Variants in MPDZ observed in about 807,000 individuals in gnomAD.
MPDZ encodes the protein multiple PDZ domain crumbs cell polarity complex component, also known as multiple PDZ domain protein.
In MPDZ, 234 loss-of-function variants were observed where a neutral mutation model predicts 239.1. The observed-to-expected ratio is 0.98, with a 90% CI of 0.88 to 1.09. MPDZ has a LOEUF of 1.09. MPDZ is among the 50% of genes least tolerant of loss of function. The probability of loss-of-function intolerance (pLI) is 0.00; values close to 1 mark genes in which losing one functional copy is unlikely to be tolerated. For synonymous variants in MPDZ, 1,048 were observed against 881.3 expected (o/e 1.19, Z -3.35); for missense variants, 3,175 against 2,510.0 (o/e 1.26, Z -5.66).
At position 13,109,048 on chromosome 9, in the gene MPDZ, C is replaced by T. The variant is rs1369703126; in HGVS notation, c.5954G>A (p.Cys1985Tyr). The T allele has an allele frequency of 2.0e-6, 3 of 1,502,900 alleles. No homozygotes were observed. Among genetic ancestry groups the T allele is most frequent in the South Asian group, 1.4e-5 (1 of 70,834 alleles). The allele number at this position is 1,502,900 out of a possible 1,614,324, so 93.1% of individuals were successfully genotyped here. A position where few individuals can be genotyped will look rare whatever the true frequency, so the allele number is the denominator to read the frequency against. The change falls in exon 46 of 47, where the codon TGT (cysteine) becomes TAT (tyrosine). Residue 1985 changes from cysteine to tyrosine, a missense_variant. By Grantham distance (194) the Cys-to-Tyr change is radical. Transcript: ENST00000319217. ...TCCTCGCTCTAGTGTAATAGACTTA[C>T]ATTGAGGAGGTCTACGGTGAAGGAA... ...IFQDDLGPPQCKSITLERGPD... is the reference protein window; with the variant it reads ...IFQDDLGPPQYKSITLERGPD...
chr9:13,248,954 C>T (rs968569765), intron 2 of MPDZ, among the ~76,000 whole-genome samples: 4 of 101,164 alleles, frequency 4.0e-5, no homozygotes, highest in Admixed American at 3.2e-4. Flanking sequence ...GCCTGGGCGA[C>T]AGAGTGAGTG....
Position 13,196,425 on chromosome 9 carries a change from C to T in MPDZ, c.1547-195G>A, listed in dbSNP as rs367782124. Among the ~76,000 whole-genome samples the T allele has an allele frequency of 1.1e-3, 174 of 152,248 alleles. 1 individual carries two copies. Among genetic ancestry groups the T allele is most frequent in the African/African-American group, 4.2e-3 (173 of 41,558 alleles). Reference sequence around the variant, plus strand: ...CCTATAATTTGTATGTTTGACACTACTCACTTTTAACAGATGTATTTTAAA... The same window carrying T: ...CCTATAATTTGTATGTTTGACACTATTCACTTTTAACAGATGTATTTTAAA... On this transcript the variant is annotated intron_variant, in intron 12 of 46. Transcript: ENST00000319217.
intron 3 of MPDZ, among the ~76,000 whole-genome samples, chr9:13,227,870 T>A (rs895382966): frequency 4.6e-5 from 7 of 152,138 alleles, no homozygotes; most frequent in Admixed American, 2.0e-4. Flanking sequence ...TATTTAATTA[T>A]ACCACCATAC....
intron 1 of MPDZ, among the ~76,000 whole-genome samples, chr9:13,267,818 G>A (rs144665197): frequency 5.3e-5 from 8 of 152,142 alleles, no homozygotes; most frequent in African/African-American, 1.7e-4. Flanking sequence ...GCATTCACCA[G>A]GCTAACAGAA....
At chr9:13,261,445 C>G (rs977160176) in intron 1 of MPDZ, among the ~76,000 whole-genome samples, 1 of 151,818 alleles carries the variant, frequency 6.6e-6, no homozygotes, top group Non-Finnish European at 1.5e-5. Flanking sequence ...GGTACCATAT[C>G]ATTACATCCA....
chr9:13,207,379 C>A (rs1164642106), intron 10 of MPDZ, among the ~76,000 whole-genome samples: 1 of 152,102 alleles, frequency 6.6e-6, no homozygotes, highest in Non-Finnish European at 1.5e-5. Flanking sequence ...CCAGCCCCAA[C>A]CTCATCTCTC....
At chr9:13,172,950 T>A (rs1951983105) in intron 21 of MPDZ, among the ~76,000 whole-genome samples, 1 of 152,224 alleles carries the variant, frequency 6.6e-6, no homozygotes, top group Non-Finnish European at 1.5e-5. Context: ...GGAATATTAT[T>A]CAGCCTTAAA....
At chr9:13,177,287 T>C (rs1292213433) in intron 19 of MPDZ, among the ~76,000 whole-genome samples, 1 of 152,138 alleles carries the variant, frequency 6.6e-6, no homozygotes, top group Non-Finnish European at 1.5e-5. Context: ...GAACATACTA[T>C]TGCATAAAGG....
At chr9:13,245,217 A>C (rs764253968) in intron 3 of MPDZ, among the ~76,000 whole-genome samples, 11 of 151,956 alleles carry the variant, frequency 7.2e-5, no homozygotes, top group Non-Finnish European at 1.3e-4. Context: ...ACTTATATTT[A>C]AATTTTAGAA....
chr9:13,219,139 CA>C (rs1209098945), intron 8 of MPDZ, among the ~76,000 whole-genome samples: 1 of 151,666 alleles, frequency 6.6e-6, no homozygotes, highest in Non-Finnish European at 1.5e-5. Context: ...TCCACACATT[CA>C]AAACAAAAAC....
At chr9:13,241,240 A>C (rs1965322966) in intron 3 of MPDZ, among the ~76,000 whole-genome samples, 1 of 152,208 alleles carries the variant, frequency 6.6e-6, no homozygotes, top group Non-Finnish European at 1.5e-5. Flanking sequence ...CTTCTCCTAG[A>C]TAATGCACAC....
intron 24 of MPDZ, among the ~76,000 whole-genome samples, chr9:13,153,692 G>C (rs1279991588): frequency 6.6e-6 from 1 of 152,072 alleles, no homozygotes; most frequent in African/African-American, 2.4e-5. Context: ...GAGTTAGTAA[G>C]TTTAGCCATT....
rs749806650 is a variant in MPDZ, at chr9:13,223,625, C to A, written c.479G>T (p.Arg160Ile). The A allele has an allele frequency of 2.5e-6, 4 of 1,612,560 alleles. No homozygotes were observed. Among genetic ancestry groups the A allele is most frequent in the Non-Finnish European group, 3.4e-6 (4 of 1,179,090 alleles). Residue 160 changes from arginine (R) to isoleucine (I), a missense_variant, in exon 5 of 47, where the codon AGA (arginine) becomes ATA (isoleucine). Physicochemically the swap from Arg to Ile is moderately conservative, Grantham distance 97 (BLOSUM62 -3). Coordinates refer to ENST00000319217, the MANE Select transcript of MPDZ (RefSeq NM_001378778.1). ...FSVVGLRSEN[R>I]GELGIFVQEI... ...TTGAACAAATATTCCCAGCTCTCCTCTGTTTTCACTTCTTAGTCCCACAAC... is the reference window on the plus strand; with the variant it reads ...TTGAACAAATATTCCCAGCTCTCCTATGTTTTCACTTCTTAGTCCCACAAC...
intron 1 of MPDZ, among the ~76,000 whole-genome samples, chr9:13,266,487 G>C (rs931306664): frequency 6.6e-6 from 1 of 152,112 alleles, no homozygotes; most frequent in African/African-American, 2.4e-5. Context: ...ACTTTTGGTG[G>C]AGTATTTAGC....
Position 13,126,754 on chromosome 9 carries a change from T to A in MPDZ, c.4483A>T (p.Ile1495Phe). The A allele has an allele frequency of 6.2e-7, 1 of 1,613,822 alleles. No individual in the cohort carries two copies. The highest frequency in any genetic ancestry group is 8.5e-7 in the Non-Finnish European group (1 of 1,179,794). The change falls in exon 33 of 47, where the codon ATT becomes TTT. Residue 1495 changes from isoleucine to phenylalanine, a missense_variant. By Grantham distance (21) the Ile-to-Phe change is conservative (BLOSUM62 0). Transcript: ENST00000319217. ...ELPKDQGGLG[I>F]AISEEDTLSG... ...AGTGTATCTTCTTCGCTGATAGCAATACCCAAACCCCCCTGATCCTAGAAA... is the reference window on the plus strand; with the variant it reads ...AGTGTATCTTCTTCGCTGATAGCAAAACCCAAACCCCCCTGATCCTAGAAA...
intron 32 of MPDZ, among the ~76,000 whole-genome samples, chr9:13,129,956 G>C (rs934870372): frequency 3.9e-5 from 6 of 152,064 alleles, no homozygotes; most frequent in African/African-American, 1.4e-4. Flanking sequence ...ATATTATTTG[G>C]AGAATTATTT....
At chr9:13,260,441 A>G (rs7047995) in intron 1 of MPDZ, among the ~76,000 whole-genome samples, 121,108 of 152,042 alleles carry the variant, frequency 0.8, 48,744 homozygotes, top group East Asian at 1. Context: ...ACTACAAGGA[A>G]CATGTCAGTG....
intron 31 of MPDZ, chr9:13,135,370 T>C (rs1946582433): frequency 6.6e-6 from 1 of 152,182 alleles, no homozygotes; most frequent in Non-Finnish European, 1.5e-5. Flanking sequence ...GGATGAAGTA[T>C]TATCAATTTG....
chr9:13,244,721 A>C (rs1966197885), intron 3 of MPDZ, among the ~76,000 whole-genome samples: 1 of 152,016 alleles, frequency 6.6e-6, no homozygotes, highest in African/African-American at 2.4e-5. Flanking sequence ...CAGTCTTAAT[A>C]CTGAAGAAGC....
Sources: gnomAD v4.1 joint callset for allele counts (sites outside exome capture counted in the v4.1 genomes callset) on GRCh38, gnomAD v4.1.1 for gene constraint, MANE v1.5 for transcripts, NCBI Gene and HGNC (gene_info 2026-07-23, HGNC 2026-07-21) for gene names.